The following CDH17 variants were observed in gnomAD, a reference collection of about 807,000 sequenced individuals.
The protein encoded by CDH17 is cadherin 17.
CDH17 carries 67 observed loss-of-function variants against 86.3 expected under a neutral mutation model. The ratio of observed to expected loss-of-function variants is 0.78; its 90% CI spans 0.64 to 0.95. The LOEUF (loss-of-function observed/expected upper bound fraction) is 0.95. Ranked by LOEUF, CDH17 falls within the 40% of genes least tolerant of loss-of-function variation. The probability of loss-of-function intolerance (pLI) is 0.00; values close to 1 mark genes in which losing one functional copy is unlikely to be tolerated. For missense variants in CDH17, 993 were observed against 1,017.6 expected (o/e 0.98, Z 0.33); for synonymous variants, 367 against 366.4 (o/e 1.00, Z -0.02).
intron 15 of CDH17, 29 bp from the exon 16 acceptor site, chr8:94,131,021 T>A: frequency 8.7e-7 from 1 of 1,151,526 alleles, no homozygotes; most frequent in Non-Finnish European, 1.3e-6. Context: ...AAAATGAAAA[T>A]ACAACTTCAG....
intron 1 of CDH17, among the ~76,000 whole-genome samples, chr8:94,207,034 G>A (rs1324027667): frequency 6.6e-6 from 1 of 152,036 alleles, no homozygotes; most frequent in Non-Finnish European, 1.5e-5. Flanking sequence ...GGGTCATCTG[G>A]GTGAGTTTCA....
chr8:94,165,005 A>G (rs1294994101), intron 10 of CDH17, among the ~76,000 whole-genome samples: 1 of 152,232 alleles, frequency 6.6e-6, no homozygotes, highest in Admixed American at 6.5e-5. Flanking sequence ...AGAAGCTGTT[A>G]GGGTAAGATA....
At chr8:94,136,850 T>C (rs1466300141) in intron 15 of CDH17, among the ~76,000 whole-genome samples, 1 of 152,248 alleles carries the variant, frequency 6.6e-6, no homozygotes, top group South Asian at 2.1e-4. Context: ...TATTCCTTTC[T>C]GTTTGTTAGT....
chr8:94,208,111 A>C (rs746905670), intron 1 of CDH17, among the ~76,000 whole-genome samples: 8 of 152,202 alleles, frequency 5.3e-5, no homozygotes, highest in Non-Finnish European at 1.0e-4. Flanking sequence ...AATTTCTAGA[A>C]TACAAGAGCC....
chr8:94,133,804 T>C (rs1413585608), intron 15 of CDH17, among the ~76,000 whole-genome samples: 1 of 152,228 alleles, frequency 6.6e-6, no homozygotes, highest in African/African-American at 2.4e-5. Flanking sequence ...TTATCATAAA[T>C]AGCTCTTATT....
upstream of CDH17, among the ~76,000 whole-genome samples, chr8:94,208,978 T>C (rs1239452824): frequency 6.6e-6 from 1 of 152,168 alleles, no homozygotes; most frequent in Admixed American, 6.5e-5. Flanking sequence ...GCGCCATGTC[T>C]GAGCAATGAC....
chr8:94,216,194 G>A (rs1414156143), intron 1 of CDH17, among the ~76,000 whole-genome samples: 6 of 152,172 alleles, frequency 3.9e-5, no homozygotes, highest in African/African-American at 1.4e-4. Context: ...CCTGGTCTCA[G>A]GAACAATCCA....
At chr8:94,137,800 G>A (rs770682688) in intron 15 of CDH17, among the ~76,000 whole-genome samples, 1 of 152,198 alleles carries the variant, frequency 6.6e-6, no homozygotes, top group Non-Finnish European at 1.5e-5. Flanking sequence ...AAAAGCGAAA[G>A]CTCCTGTAAG....
chr8:94,190,756 C>T (rs1813672767), intron 2 of CDH17, among the ~76,000 whole-genome samples: 1 of 152,158 alleles, frequency 6.6e-6, no homozygotes. Context: ...TTAGGGAGAG[C>T]AAGCACACTC....
At chr8:94,174,417 C>T (rs894822386) in intron 5 of CDH17, among the ~76,000 whole-genome samples, 157 bp from the exon 6 acceptor site, 1 of 152,162 alleles carries the variant, frequency 6.6e-6, no homozygotes, top group African/African-American at 2.4e-5. Flanking sequence ...CCCACTCCCC[C>T]CTTCCCTAAA....
chr8:94,176,083 C>T (rs1813365543), intron 5 of CDH17, among the ~76,000 whole-genome samples: 1 of 152,086 alleles, frequency 6.6e-6, no homozygotes, highest in Non-Finnish European at 1.5e-5. Flanking sequence ...GACAGGATCT[C>T]ACTTTGTTGC....
chr8:94,170,794 A>C, intron 8 of CDH17, 60 bp downstream of exon 8: 8 of 1,558,356 alleles, frequency 5.1e-6, no homozygotes, highest in Non-Finnish European at 6.1e-6. Context: ...TTTTGCTCTC[A>C]ACTGTAGATG....
At chr8:94,159,504 C>T (rs751819678) in intron 12 of CDH17, among the ~76,000 whole-genome samples, 6 of 152,160 alleles carry the variant, frequency 3.9e-5, no homozygotes, top group Non-Finnish European at 7.3e-5. Context: ...CAACCCAACT[C>T]CTCACATTTG....
intron 14 of CDH17, among the ~76,000 whole-genome samples, chr8:94,147,439 T>C (rs1318687213): frequency 1.3e-5 from 2 of 152,210 alleles, no homozygotes; most frequent in African/African-American, 2.4e-5. Context: ...TTCCTGTCTC[T>C]CTTCTCCAAT....
At chr8:94,144,105 C>T (rs1162443730) in intron 15 of CDH17, among the ~76,000 whole-genome samples, 1 of 152,150 alleles carries the variant, frequency 6.6e-6, no homozygotes, top group Non-Finnish European at 1.5e-5. Context: ...CTTCCTTTCA[C>T]CTGAACACTT....
chr8:94,208,830 G>A (rs939591327), upstream of CDH17, among the ~76,000 whole-genome samples: 7 of 152,186 alleles, frequency 4.6e-5, no homozygotes, highest in Non-Finnish European at 8.8e-5. Context: ...AAGTTTTTGT[G>A]TATCCAACTA....
At position 94,170,433 on chromosome 8, in the gene CDH17, C is replaced by A. The variant is rs760842322; in HGVS notation, c.1030G>T (p.Val344Leu). 4.3e-6 allele frequency: 7 copies of A among 1,612,840 alleles called. No individual in the cohort carries two copies. The African/African-American group carries it at 9.4e-5, about 22-fold the overall frequency. The stretch of plus-strand genomic sequence containing the variant: ...TTCTCCTGGACCTCAAATACGGTTA[C>A]TGGTGACGGACATGTAGGTGGATTA... The part of the protein sequence containing the change: ...NDNPPTCPSP[V>L]TVFEVQENER... The change falls in exon 9 of 18, where the codon GTA (valine) becomes TTA (leucine). Residue 344 changes from valine to leucine, a missense_variant. Transcript: ENST00000027335.
intron 9 of CDH17, among the ~76,000 whole-genome samples, chr8:94,167,197 G>A (rs1563576479): frequency 6.6e-6 from 1 of 152,102 alleles, no homozygotes; most frequent in Non-Finnish European, 1.5e-5. Context: ...ATTCCTGTGA[G>A]GGTTTCAGTC....
intron 15 of CDH17, among the ~76,000 whole-genome samples, chr8:94,141,714 G>T (rs1181813677): frequency 6.6e-6 from 1 of 152,066 alleles, no homozygotes; most frequent in Non-Finnish European, 1.5e-5. Flanking sequence ...AAAACACATT[G>T]CTGAACGAAA....
Sources: gnomAD v4.1 joint callset for allele counts (sites outside exome capture counted in the v4.1 genomes callset) on GRCh38, gnomAD v4.1.1 for gene constraint, MANE v1.5 for transcripts, NCBI Gene and HGNC (gene_info 2026-07-23, HGNC 2026-07-21) for gene names.